Variants in VAV1 observed in about 807,000 individuals in gnomAD.
The protein encoded by VAV1 is vav guanine nucleotide exchange factor 1, also known as proto-oncogene vav.
In VAV1, 33 loss-of-function variants were observed where a neutral mutation model predicts 128.1. The observed-to-expected ratio is 0.26, with a 90% CI of 0.20 to 0.34. The LOEUF (loss-of-function observed/expected upper bound fraction) is 0.34, where lower values mean the gene tolerates loss of function less well. Among genes scored for constraint, VAV1 ranks in the 10% least tolerant of loss-of-function variants. VAV1 has a pLI of 1.00. For synonymous variants in VAV1, 394 were observed against 409.8 expected (o/e 0.96, Z 0.47); for missense variants, 715 against 1,093.7 (o/e 0.65, Z 4.88).
At chr19:6,819,435 G>A (rs1296639731) in intron 1 of VAV1, among the ~76,000 whole-genome samples, 1 of 152,190 alleles carries the variant, frequency 6.6e-6, no homozygotes, top group East Asian at 1.9e-4. Flanking sequence ...AACTATCTTG[G>A]ACATTTCCTA....
At chr19:6,848,781 T>G (rs10423256) in intron 23 of VAV1, among the ~76,000 whole-genome samples, 1 of 151,490 alleles carries the variant, frequency 6.6e-6, no homozygotes, top group South Asian at 2.1e-4. Flanking sequence ...CTAATTTTTT[T>G]AATTTAATTT....
At chr19:6,844,075 T>C (rs1468973643) in intron 22 of VAV1, among the ~76,000 whole-genome samples, 5 of 97,890 alleles carry the variant, frequency 5.1e-5, no homozygotes, top group African/African-American at 1.0e-4. Flanking sequence ...TTTTTTTTTT[T>C]TTTTTTTTTT....
At chr19:6,798,448 T>C (rs148500301) in intron 1 of VAV1, among the ~76,000 whole-genome samples, 2 of 152,014 alleles carry the variant, frequency 1.3e-5, no homozygotes, top group African/African-American at 4.8e-5. Context: ...GGCAACATGG[T>C]GAGACCAGCC....
At chr19:6,774,474 C>T (rs1337574509) in intron 1 of VAV1, among the ~76,000 whole-genome samples, 2 of 127,044 alleles carry the variant, frequency 1.6e-5, no homozygotes, top group South Asian at 2.7e-4. Context: ...CTCACTCTGT[C>T]GCCCAGGCTG....
intron 1 of VAV1, among the ~76,000 whole-genome samples, chr19:6,808,312 CA>C (rs545772702): frequency 3.4e-4 from 50 of 148,070 alleles, no homozygotes; most frequent in Admixed American, 5.4e-4. Context: ...GACTTCATCT[CA>C]AAAAAAAAAG....
At chr19:6,774,427 C>G (rs887031505) in intron 1 of VAV1, among the ~76,000 whole-genome samples, 1 of 91,584 alleles carries the variant, frequency 1.1e-5, no homozygotes. Context: ...CGCGCCCAGC[C>G]TTTTTTTTTT....
At chr19:6,851,169 TAGAG>T (rs905008722) in intron 24 of VAV1, among the ~76,000 whole-genome samples, 17 of 151,466 alleles carry the variant, frequency 1.1e-4, no homozygotes, top group South Asian at 8.3e-4. Context: ...TATAGATAGA[TAGAG>T]AGAGAGAGAT....
chr19:6,811,069 T>G (rs1316862383), intron 1 of VAV1, among the ~76,000 whole-genome samples: 1 of 152,188 alleles, frequency 6.6e-6, no homozygotes, highest in Non-Finnish European at 1.5e-5. Context: ...GGCGTCTTGC[T>G]CTGTTGCCCA....
At position 6,822,826 on chromosome 19, in the gene VAV1, A is replaced by G. The variant is rs1193845612; in HGVS notation, c.654+312A>G. On this transcript the variant is annotated intron_variant, in intron 6 of 26. Transcript: ENST00000602142. This position sits in a 1 kb window ranked among gnomAD's most constrained non-coding sequence, Gnocchi z 5.9. The stretch of plus-strand genomic sequence containing the variant: ...ATAAATATATTAAACATATACATAA[A>G]TAGAAAATATATAAATATATACAAA... Among the ~76,000 whole-genome samples the G allele has an allele frequency of 6.8e-6, 1 of 147,566 alleles. No individual in the cohort carries two copies. The highest frequency in any genetic ancestry group is 2.4e-5 in the African/African-American group (1 of 40,838).
At chr19:6,831,423 T>C (rs575504933) in intron 14 of VAV1, among the ~76,000 whole-genome samples, 1 of 152,232 alleles carries the variant, frequency 6.6e-6, no homozygotes, top group Admixed American at 6.5e-5. Flanking sequence ...GAGATTCTCC[T>C]ACCTCAGCCT....
intron 14 of VAV1, among the ~76,000 whole-genome samples, chr19:6,831,370 G>T (rs1972050096): frequency 6.6e-6 from 1 of 152,122 alleles, no homozygotes; most frequent in African/African-American, 2.4e-5. Context: ...GGAGTGCAGA[G>T]GCATGATCTC....
chr19:6,821,889 T>G lies in VAV1; in HGVS notation c.449+30T>G, dbSNP rs1336794980. On this transcript the variant is annotated intron_variant, in intron 4 of 26. Coordinates refer to ENST00000602142, the MANE Select transcript of VAV1 (RefSeq NM_005428.4). ...GTGCTCAGGCCTGTGGCCGCACAGC[T>G]CACTGGAGCACCGTCCTGGGGGTGG... 3 of 1,613,758 alleles carry G rather than the reference T, an allele frequency of 1.9e-6. No homozygotes were observed. In the Admixed American group the frequency reaches 5.0e-5, roughly 27 times the overall value.
intron 24 of VAV1, 47 bp downstream of exon 24, chr19:6,850,804 G>T (rs1219578778): frequency 6.3e-7 from 1 of 1,599,076 alleles, no homozygotes; most frequent in Non-Finnish European, 8.6e-7. Context: ...AACCTAGGAG[G>T]ACCCTCCCTG....
chr19:6,796,312 T>G (rs2144722488), intron 1 of VAV1, among the ~76,000 whole-genome samples: 1 of 151,406 alleles, frequency 6.6e-6, no homozygotes, highest in South Asian at 2.1e-4. Flanking sequence ...TCCTTCTTTA[T>G]AGGGACCCCG....
chr19:6,774,890 G>A (rs34747150), intron 1 of VAV1, among the ~76,000 whole-genome samples: 51,592 of 150,644 alleles, frequency 0.34, 9,025 homozygotes, highest in Middle Eastern at 0.48. Context: ...AAGTAGCTGC[G>A]ACTACAGGCA....
At position 6,780,291 on chromosome 19, in the gene VAV1, A is replaced by G. The variant is rs112375439; in HGVS notation, c.204+7280A>G. On this transcript the variant is annotated intron_variant, in intron 1 of 26. Coordinates refer to ENST00000602142, the MANE Select transcript of VAV1 (RefSeq NM_005428.4). ...CCTATTTACAGCATCATTGTGGGGG[A>G]TAAGTGTATTATTATAAAGAACCTA... Among the ~76,000 whole-genome samples the G allele has an allele frequency of 1.6e-3, 238 of 150,070 alleles. 6 individuals are homozygous for G. Among genetic ancestry groups the G allele is most frequent in the African/African-American group, 5.6e-3 (232 of 41,302 alleles).
rs1488081686 is a variant in VAV1, at chr19:6,820,645, C to A, written c.205-57C>A. On this transcript the variant is annotated intron_variant, in intron 1 of 26. Transcript: ENST00000602142. The surrounding 1 kb of genome is among the most constrained non-coding windows in gnomAD (Gnocchi z 4.4). ...TCCCCAAGCTAGGTGGCCTGGGGGT[C>A]AGTTTCTCCCCTGCCCTTTCGTACT... 6.1e-6 allele frequency: 9 copies of A among 1,480,342 alleles called. No individual in the cohort carries two copies. The highest frequency in any genetic ancestry group is 8.5e-6 in the Non-Finnish European group (9 of 1,060,122). 91.7% of individuals were successfully genotyped at this position (1,480,342 alleles called of 1,614,324 possible).
At chr19:6,780,065 C>T (rs542690958) in intron 1 of VAV1, among the ~76,000 whole-genome samples, 2 of 72,016 alleles carry the variant, frequency 2.8e-5, no homozygotes, top group Admixed American at 1.1e-4. Flanking sequence ...GAGCCGAGAT[C>T]AGGCCACTGC....
rs773238903 is a variant in VAV1, at chr19:6,825,358, C to T, written c.779C>T (p.Thr260Ile). The change falls in exon 8 of 27, where the codon ACC becomes ATC. Residue 260 changes from threonine to isoleucine, a missense_variant. Thr to Ile is a moderately conservative substitution (Grantham distance 89, BLOSUM62 -1). Coordinates refer to ENST00000602142, the MANE Select transcript of VAV1 (RefSeq NM_005428.4). ...FLKEMKEALG[T>I]PGAANLYQVF... ...AAGGAGATGAAGGAAGCCCTGGGCA[C>T]CCCTGGCGCAGCCAATCTCTACCAG... The T allele has an allele frequency of 1.9e-6, 3 of 1,613,818 alleles. No homozygotes were observed. Among genetic ancestry groups the T allele is most frequent in the African/African-American group, 2.7e-5 (2 of 75,062 alleles).
Sources: allele counts gnomAD v4.1 joint callset (sites outside exome capture counted in the v4.1 genomes callset), GRCh38; gene constraint gnomAD v4.1.1; non-coding constraint Gnocchi (gnomAD v3.1); transcripts MANE v1.5; gene names NCBI Gene and HGNC (gene_info 2026-07-23, HGNC 2026-07-21).